FGF10: variants seen among roughly 807,000 people sequenced by gnomAD.
The protein encoded by FGF10 is fibroblast growth factor 10.
In FGF10, 2 loss-of-function variants were observed where a neutral mutation model predicts 19.8. That is an observed-to-expected ratio of 0.10 (90% CI 0.04 to 0.32). The LOEUF is 0.32. FGF10 is among the 10% of genes least tolerant of loss of function. FGF10 has a pLI of 1.00. For missense variants in FGF10, 191 were observed against 246.3 expected, an observed-to-expected ratio of 0.78 and a Z score of 1.50; for synonymous variants, 112 against 94.0, an observed-to-expected ratio of 1.19 and a Z score of -1.10.
rs141568419 is a variant in FGF10 at position 44,301,858 on chromosome 5, ATTTTC to A, written c.*3132_*3136del. 0.023 allele frequency among the ~76,000 whole-genome samples: 3,562 copies of A among 152,188 alleles called. 140 individuals carry two copies. Among genetic ancestry groups the A allele is most frequent in the African/African-American group, 0.08 (3,332 of 41,506 alleles). On this transcript the variant is annotated 3_prime_UTR_variant, in exon 3 of 3. Coordinates refer to ENST00000264664, the MANE Select transcript of FGF10 (RefSeq NM_004465.2). ...TAAAACAAACAAGGACAATATTTTAATTTTCTTTTCCCAACATTTTTATTGTTTTT... is the reference window on the plus strand; with the variant it reads ...TAAAACAAACAAGGACAATATTTTAATTTTCCCAACATTTTTATTGTTTTT...
intron 1 of FGF10, among the ~76,000 whole-genome samples, chr5:44,381,795 T>A (rs775039685): frequency 3.3e-5 from 5 of 152,176 alleles, no homozygotes; most frequent in Admixed American, 6.5e-5. Context: ...GTTCTAAATC[T>A]TGCAGCAATC....
chr5:44,345,820 C>G (rs7720510), intron 1 of FGF10, among the ~76,000 whole-genome samples: 18,091 of 151,598 alleles, frequency 0.12, 2,663 homozygotes, highest in African/African-American at 0.34. Flanking sequence ...TTCTCCCATC[C>G]CTTTAGTACT....
chr5:44,378,525 G>A (rs1250729720), intron 1 of FGF10, among the ~76,000 whole-genome samples: 2 of 152,040 alleles, frequency 1.3e-5, no homozygotes, highest in African/African-American at 2.4e-5. Flanking sequence ...TCTGCCTCCC[G>A]GGTTCACACC....
intron 1 of FGF10, among the ~76,000 whole-genome samples, chr5:44,324,537 G>C (rs1346186035): frequency 6.6e-6 from 1 of 152,030 alleles, no homozygotes; most frequent in Non-Finnish European, 1.5e-5. Flanking sequence ...CCAGAAGAAA[G>C]ACTCTCTTAA....
chr5:44,388,746 C>G lies in FGF10; in HGVS notation c.-64G>C. ...AAGGAACATACTGGAAGGGTAAGAC[C>G]CGATGCAAGGCAAGGAGAGAGCTCG... On this transcript the variant is annotated 5_prime_UTR_variant, in exon 1 of 3. Coordinates refer to ENST00000264664, the MANE Select transcript of FGF10 (RefSeq NM_004465.2). The G allele has an allele frequency of 6.4e-7, 1 of 1,556,404 alleles. No individual in the cohort carries two copies. Among genetic ancestry groups the G allele is most frequent in the East Asian group, 2.3e-5 (1 of 44,250 alleles).
Position 44,388,338 on chromosome 5 carries a change from A to T in FGF10, c.325+20T>A. The T allele has an allele frequency of 1.3e-6, 2 of 1,555,128 alleles. No individual in the cohort carries two copies. The highest frequency in any genetic ancestry group is 1.8e-6 in the Non-Finnish European group (2 of 1,127,762). On this transcript the variant is annotated intron_variant, in intron 1 of 2. Transcript: ENST00000264664. ...GGGGGTGGATAATTGGAAGGAGGGG[A>T]GCATGCATTTGTTACTTACTGTACG...
intron 1 of FGF10, among the ~76,000 whole-genome samples, chr5:44,321,954 G>A: frequency 6.6e-6 from 1 of 152,060 alleles, no homozygotes; most frequent in Non-Finnish European, 1.5e-5. Context: ...GTAGAGACAG[G>A]GTTTCTCCAT....
At chr5:44,342,053 C>T (rs1188082770) in intron 1 of FGF10, among the ~76,000 whole-genome samples, 2 of 151,840 alleles carry the variant, frequency 1.3e-5, no homozygotes, top group Non-Finnish European at 2.9e-5. Flanking sequence ...TCTTGATAAC[C>T]TCACTCTAGC....
chr5:44,374,058 G>T (rs1193217304), intron 1 of FGF10, among the ~76,000 whole-genome samples: 1 of 152,000 alleles, frequency 6.6e-6, no homozygotes, highest in African/African-American at 2.4e-5. Context: ...AATTTTTCTG[G>T]GCCTAGAGCA....
At chr5:44,355,784 G>A (rs999252500) in intron 1 of FGF10, among the ~76,000 whole-genome samples, 30 of 151,326 alleles carry the variant, frequency 2.0e-4, no homozygotes, top group African/African-American at 7.0e-4. Flanking sequence ...TATTTAAAGC[G>A]TCATGATTCA....
chr5:44,310,061 T>A (rs1740173122), intron 2 of FGF10, among the ~76,000 whole-genome samples: 1 of 152,162 alleles, frequency 6.6e-6, no homozygotes, highest in African/African-American at 2.4e-5. Context: ...AACGCATATA[T>A]AATACATGGG....
intron 1 of FGF10, among the ~76,000 whole-genome samples, chr5:44,380,072 C>CA (rs1053353559): frequency 3.3e-5 from 5 of 152,152 alleles, no homozygotes; most frequent in African/African-American, 1.2e-4. Flanking sequence ...GAGATATTCC[C>CA]AAAAAATGAC....
At chr5:44,325,277 A>G (rs1740586733) in intron 1 of FGF10, among the ~76,000 whole-genome samples, 2 of 152,032 alleles carry the variant, frequency 1.3e-5, no homozygotes, top group Admixed American at 1.3e-4. Context: ...ACACTTTTAC[A>G]CTGTTGGTGG....
chr5:44,368,701 C>T (rs1264319174), intron 1 of FGF10, among the ~76,000 whole-genome samples: 2 of 152,092 alleles, frequency 1.3e-5, no homozygotes, highest in African/African-American at 2.4e-5. Context: ...GACAGGGTCT[C>T]ACTCTTGCCC....
At chr5:44,314,796 G>A (rs1740298051) in intron 1 of FGF10, among the ~76,000 whole-genome samples, 1 of 152,098 alleles carries the variant, frequency 6.6e-6, no homozygotes, top group African/African-American at 2.4e-5. Flanking sequence ...GTTGGACAAA[G>A]GCTTCTTCTG....
intron 1 of FGF10, among the ~76,000 whole-genome samples, chr5:44,353,463 T>G (rs1034020012): frequency 2.0e-5 from 3 of 151,618 alleles, no homozygotes; most frequent in African/African-American, 7.2e-5. Flanking sequence ...TTATTTAGCT[T>G]TTATTCTCAT....
chr5:44,387,574 A>T (rs1247974703), intron 1 of FGF10, among the ~76,000 whole-genome samples: 1 of 152,186 alleles, frequency 6.6e-6, no homozygotes, highest in Non-Finnish European at 1.5e-5. Flanking sequence ...GAGAGGTTTC[A>T]GAAGAAACAG....
At chr5:44,309,170 C>T (rs1482070103) in intron 2 of FGF10, among the ~76,000 whole-genome samples, 3 of 152,090 alleles carry the variant, frequency 2.0e-5, no homozygotes, top group African/African-American at 7.2e-5. Context: ...GGTTTTATTT[C>T]TGGCCATATA....
intron 1 of FGF10, among the ~76,000 whole-genome samples, chr5:44,313,185 G>A (rs757294079): frequency 3.3e-5 from 5 of 151,982 alleles, no homozygotes; most frequent in African/African-American, 1.2e-4. Flanking sequence ...ATTTTGGGAC[G>A]CAGCGTATGG....
Sources: gnomAD v4.1 joint callset for allele counts (sites outside exome capture counted in the v4.1 genomes callset) on GRCh38, gnomAD v4.1.1 for gene constraint, MANE v1.5 for transcripts, NCBI Gene and HGNC (gene_info 2026-07-23, HGNC 2026-07-21) for gene names.